The following SPTBN5 variants were observed in gnomAD, a reference collection of about 807,000 sequenced individuals.
The protein encoded by SPTBN5 is spectrin beta, non-erythrocytic 5.
A neutral mutation model predicts 477.6 loss-of-function variants in SPTBN5; 513 were observed. The observed-to-expected ratio is 1.07, with a 90% CI of 1.00 to 1.16. The LOEUF is 1.16. Ranked by LOEUF, SPTBN5 falls within the 50% of genes most tolerant of loss-of-function variation. SPTBN5 has a pLI of 0.00. For missense variants in SPTBN5, 5,062 were observed against 4,731.8 expected, an observed-to-expected ratio of 1.07 and a Z score of -2.05; for synonymous variants, 2,169 against 2,011.7, an observed-to-expected ratio of 1.08 and a Z score of -2.09.
At chr15:41,880,938 G>C in intron 13 of SPTBN5, 96 bp downstream of exon 13, 1 of 1,097,746 alleles carries the variant, frequency 9.1e-7, no homozygotes. Context: ...TGAGGACAGG[G>C]AACATGTCAG....
chr15:41,880,264 T>C lies in SPTBN5; in HGVS notation c.2707A>G (p.Ser903Gly). 1 of 1,607,866 alleles carries C rather than the reference T, an allele frequency of 6.2e-7. No individual in the cohort carries two copies. Among genetic ancestry groups the C allele is most frequent in the Non-Finnish European group, 8.5e-7 (1 of 1,177,720 alleles). The change falls in exon 14 of 68, where the codon AGT becomes GGT. Residue 903 changes from serine to glycine, a missense_variant. Transcript: ENST00000320955. ...EEAMALFGFC[S>G]SCGELQLWLE... ...CACAACTGGAGCTCCCCACAGGAAC[T>C]GCAGAAACCGAACAGGGCCATGGCC...
rs1191526093 is a variant in SPTBN5, at chr15:41,854,004, T to C, written c.9774+46A>G. The C allele has an allele frequency of 2.0e-6, 3 of 1,522,706 alleles. No individual in the cohort carries two copies. The African/African-American group carries it at 4.1e-5, about 21-fold the overall frequency. The allele number at this position is 1,522,706 out of a possible 1,614,324, so 94.3% of individuals were successfully genotyped here. A position where few individuals can be genotyped will look rare whatever the true frequency, so the allele number is the denominator to read the frequency against. On this transcript the variant is annotated intron_variant, in intron 57 of 67. Transcript: ENST00000320955. The stretch of plus-strand genomic sequence containing the variant: ...GAGATAGGTCCCCTCAGCCACCGCC[T>C]TCGGGCAGGGGCTCAGACAGGCAGG...
intron 47 of SPTBN5, 144 bp downstream of exon 47, chr15:41,860,442 G>T: frequency 1.2e-6 from 1 of 861,548 alleles, no homozygotes; most frequent in Non-Finnish European, 1.6e-6. Context: ...AGGGGTGGTG[G>T]GGACCCCCGG....
chr15:41,858,596 C>T lies in SPTBN5; in HGVS notation c.8226+6G>A. On this transcript the variant is annotated splice_donor_region_variant and intron_variant, in intron 49 of 67. Transcript: ENST00000320955. Reference sequence around the variant, plus strand: ...TCCCACCACCCTCCTGCCTGCAGGGCCTCACCCGCTGCAGCTCCTGCTGTT... The same window carrying T: ...TCCCACCACCCTCCTGCCTGCAGGGTCTCACCCGCTGCAGCTCCTGCTGTT... The T allele has an allele frequency of 6.2e-7, 1 of 1,608,644 alleles. No individual in the cohort carries two copies. Among genetic ancestry groups the T allele is most frequent in the East Asian group, 2.2e-5 (1 of 44,782 alleles).
At chr15:41,853,228 C>G in intron 59 of SPTBN5, 30 bp downstream of exon 59, 2 of 1,559,920 alleles carry the variant, frequency 1.3e-6, no homozygotes, top group Non-Finnish European at 1.7e-6. Context: ...ATCCCCAGCC[C>G]AACCCCAGGC....
chr15:41,876,993 C>A (rs531709139), intron 18 of SPTBN5, 45 bp from the exon 19 acceptor site: 6 of 1,578,922 alleles, frequency 3.8e-6, no homozygotes, highest in Non-Finnish European at 5.2e-6. Context: ...GAATGGGGGT[C>A]AGGACCATCT....
In SPTBN5 at chr15:41,857,660, C is replaced by T; in HGVS notation, c.8277G>A (p.Gln2759=). ...GTGCTCCCAGCTCCTCCAGTCGCTCCTGGATGGCCTCCGAGGCTGGGTGGC... is the reference window on the plus strand; with the variant it reads ...GTGCTCCCAGCTCCTCCAGTCGCTCTTGGATGGCCTCCGAGGCTGGGTGGC... ...QGGHPASEAI[Q]ERLEELGALW... The change falls in exon 50 of 68, where the codon CAG becomes CAA. Residue 2759 remains glutamine (Q), a synonymous_variant. Transcript: ENST00000320955. The T allele has an allele frequency of 6.3e-7, 1 of 1,591,470 alleles. No individual in the cohort carries two copies. The highest frequency in any genetic ancestry group is 1.1e-5 in the South Asian group (1 of 87,598).
Position 41,856,458 on chromosome 15 carries a change from G to A in SPTBN5, c.8949C>T (p.His2983=), listed in dbSNP as rs567265906. ...GCCTCCGCGCCGCCTCTGCCCGCAG[G>A]TGGGCCATGGCCTTCTCCAGCTGCT... The part of the protein sequence containing the change: ...RVQQLEKAMA[H]LRAEAARRRL... The change falls in exon 53 of 68, where the codon CAC becomes CAT. Residue 2983 remains histidine (H), a synonymous_variant. Transcript: ENST00000320955. 52 of 1,596,214 alleles carry A rather than the reference G, an allele frequency of 3.3e-5. No homozygotes were observed. The highest frequency in any genetic ancestry group is 2.4e-4 in the Admixed American group (14 of 58,362).
In SPTBN5 at chr15:41,862,918, C is replaced by T. The variant is rs913151962; in HGVS notation, c.7150-15G>A. 1.8e-5 allele frequency: 28 copies of T among 1,558,114 alleles called. No homozygotes were observed. The highest frequency in any genetic ancestry group is 1.7e-4 in the Middle Eastern group (1 of 6,028). ...ATCAGGGCTTCCTGGAGGAGGGGCA[C>T]GGCCAGTTACCTGCTGGGCCTTTGC... On this transcript the variant is annotated splice_polypyrimidine_tract_variant and intron_variant, in intron 41 of 67. Transcript: ENST00000320955.
At chr15:41,882,857 A>G in intron 9 of SPTBN5, 119 bp from the exon 10 acceptor site, 1 of 1,396,838 alleles carries the variant, frequency 7.2e-7, no homozygotes, top group Non-Finnish European at 9.6e-7. Flanking sequence ...GGATGACTCA[A>G]CAGGTGAGAC....
chr15:41,886,847 C>T (rs1232973891), intron 6 of SPTBN5, among the ~76,000 whole-genome samples: 1 of 152,250 alleles, frequency 6.6e-6, no homozygotes, highest in Non-Finnish European at 1.5e-5. Flanking sequence ...TTCTGCGTAG[C>T]CCCCGCTGGC....
intron 23 of SPTBN5, 23 bp from the exon 24 acceptor site, chr15:41,874,501 G>T: frequency 6.4e-7 from 1 of 1,573,424 alleles, no homozygotes. Context: ...GGAAGAGATT[G>T]GAGAGGTTGG....
intron 35 of SPTBN5, 139 bp from the exon 36 acceptor site, chr15:41,867,265 C>T: frequency 9.3e-7 from 1 of 1,074,384 alleles, no homozygotes; most frequent in Non-Finnish European, 1.3e-6. Context: ...CTGATCCTCC[C>T]AGCCACAAGC....
intron 32 of SPTBN5, among the ~76,000 whole-genome samples, chr15:41,868,855 T>C (rs958873966): frequency 6.6e-6 from 1 of 152,204 alleles, no homozygotes; most frequent in Admixed American, 6.5e-5. Flanking sequence ...CCTTTGTTCC[T>C]CCTGCCTTCC....
At chr15:41,892,790 T>C in intron 3 of SPTBN5, 104 bp downstream of exon 3, 1 of 1,346,890 alleles carries the variant, frequency 7.4e-7, no homozygotes, top group Non-Finnish European at 1.0e-6. Flanking sequence ...CCCCAGCTCC[T>C]CTGTTCTGCC....
Position 41,857,246 on chromosome 15 carries a change from C to T in SPTBN5, c.8613G>A (p.Leu2871=), listed in dbSNP as rs912536068. 4.4e-6 allele frequency: 7 copies of T among 1,582,820 alleles called. No homozygotes were observed. The African/African-American group carries it at 6.7e-5, about 15-fold the overall frequency. ...AQDVEEQARR[L]LQRFKSLREP... ...GGCACGGGTGGATCTACCTCTGAAG[C>T]AGCCGCCGGGCCTGCTCTTCCACAT... The change falls in exon 51 of 68, where the codon CTG becomes CTA. Residue 2871 remains leucine, a synonymous_variant. Coordinates refer to ENST00000320955, the MANE Select transcript of SPTBN5 (RefSeq NM_016642.4).
In SPTBN5 at chr15:41,851,286, C is replaced by T. The variant is rs1467082644; in HGVS notation, c.10740G>A (p.Ala3580=). 52 of 1,551,192 alleles carry T rather than the reference C, an allele frequency of 3.4e-5. 1 individual carries two copies. The highest frequency in any genetic ancestry group is 1.5e-4 in the African/African-American group (11 of 73,026). The change falls in exon 64 of 68, where the codon GCG becomes GCA. Residue 3580 remains alanine (A), a synonymous_variant. Transcript: ENST00000320955. ...TCTCCCCTACCCCGCCTGGTACCTCCGCTGCCATCCTCTCATCCAGGAACA... is the reference window on the plus strand; with the variant it reads ...TCTCCCCTACCCCGCCTGGTACCTCTGCTGCCATCCTCTCATCCAGGAACA... The part of the protein sequence containing the change: ...LSLFLDERMA[A]EKVASIALLD...
rs376322805 is a variant in SPTBN5, at chr15:41,854,789, C to T, written c.9611G>A (p.Arg3204His). ...WERLDQAIKA[R>H]TENLAAAHEV... ...CGGCCTGTGATCACCTACCTCTGTG[C>T]GGGCTTTTATTGCTTGGTCCAACCT... Residue 3204 changes from arginine to histidine, a missense_variant, in exon 56 of 68, where the codon CGC becomes CAC. By Grantham distance (29) the Arg-to-His change is conservative. Transcript: ENST00000320955. 228 of 1,538,764 alleles carry T rather than the reference C, an allele frequency of 1.5e-4. 1 individual carries two copies. Among genetic ancestry groups the T allele is most frequent in the East Asian group, 4.9e-4 (21 of 43,194 alleles).
In SPTBN5 at chr15:41,876,665, G is replaced by GGGGGGGGC; in HGVS notation, c.3852-19_3852-18insGCCCCCCC. On this transcript the variant is annotated intron_variant, in intron 19 of 67. Coordinates refer to ENST00000320955, the MANE Select transcript of SPTBN5 (RefSeq NM_016642.4). Reference sequence around the variant, plus strand: ...CTCTGACCCTGGAGGGCGGGGGGGGGTTGGAGGAGGGCATGGGAGAGGACT... The same window carrying GGGGGGGGC: ...CTCTGACCCTGGAGGGCGGGGGGGGGGGGGGGGCTTGGAGGAGGGCATGGGAGAGGACT... The GGGGGGGGC allele has an allele frequency of 3.1e-6, 4 of 1,292,942 alleles. No homozygotes were observed. The highest frequency in any genetic ancestry group is 4.4e-6 in the Non-Finnish European group (4 of 904,826). 80.1% of individuals were successfully genotyped at this position (1,292,942 alleles called of 1,614,324 possible).
Sources: allele counts gnomAD v4.1 joint callset (sites outside exome capture counted in the v4.1 genomes callset), GRCh38; gene constraint gnomAD v4.1.1; transcripts MANE v1.5; gene names NCBI Gene and HGNC (gene_info 2026-07-23, HGNC 2026-07-21).